Variants in SGCD observed in about 807,000 individuals in gnomAD.
The protein encoded by SGCD is sarcoglycan delta.
In SGCD, 18 loss-of-function variants were observed where a neutral mutation model predicts 36.6. The ratio of observed to expected loss-of-function variants is 0.49; its 90% CI spans 0.34 to 0.73. The LOEUF is 0.73. Ranked by LOEUF, SGCD falls within the 30% of genes least tolerant of loss-of-function variation. The pLI, the probability that SGCD is intolerant of heterozygous loss-of-function variation, is 0.01. For missense variants in SGCD, 387 were observed against 346.7 expected (o/e 1.12, Z -0.92); for synonymous variants, 133 against 130.6 (o/e 1.02, Z -0.12).
At chr5:156,006,650 C>A (rs1758765330) in intron 1 of SGCD, among the ~76,000 whole-genome samples, 1 of 152,134 alleles carries the variant, frequency 6.6e-6, no homozygotes, top group Admixed American at 6.5e-5. Flanking sequence ...AAAACGCATT[C>A]CCAGATTTAT....
chr5:155,951,127 A>G (rs1207501539), intron 1 of SGCD, among the ~76,000 whole-genome samples: 1 of 152,178 alleles, frequency 6.6e-6, no homozygotes, highest in Non-Finnish European at 1.5e-5. Flanking sequence ...ACATTTTAGC[A>G]TGATGAATTT....
intron 1 of SGCD, among the ~76,000 whole-genome samples, chr5:155,900,653 CTA>C (rs1402626753): frequency 6.7e-6 from 1 of 150,344 alleles, no homozygotes; most frequent in African/African-American, 2.4e-5. Context: ...CAATTCCCAC[CTA>C]TGAGTGAGAA....
At chr5:156,500,941 C>T (rs1756418935) in intron 3 of SGCD, among the ~76,000 whole-genome samples, 1 of 152,212 alleles carries the variant, frequency 6.6e-6, no homozygotes, top group Non-Finnish European at 1.5e-5. Context: ...TCTTACCCTG[C>T]ACCAGTGGGA....
At chr5:156,567,209 T>G (rs1400336068) in intron 4 of SGCD, among the ~76,000 whole-genome samples, 4 of 152,254 alleles carry the variant, frequency 2.6e-5, no homozygotes, top group African/African-American at 9.6e-5. Flanking sequence ...ACTCACCTAC[T>G]TTCTGCTTTT....
intron 1 of SGCD, among the ~76,000 whole-genome samples, chr5:156,072,091 C>T (rs1275756343): frequency 6.6e-6 from 1 of 152,076 alleles, no homozygotes; most frequent in Non-Finnish European, 1.5e-5. Flanking sequence ...TCCAATTTGC[C>T]AGTCTGTGTC....
At chr5:156,018,236 G>A (rs1239503190) in intron 1 of SGCD, among the ~76,000 whole-genome samples, 1 of 152,162 alleles carries the variant, frequency 6.6e-6, no homozygotes, top group African/African-American at 2.4e-5. Flanking sequence ...ATTTGTGATA[G>A]TGGAAAATTC....
intron 4 of SGCD, among the ~76,000 whole-genome samples, chr5:156,509,392 T>C (rs1756839736): frequency 1.3e-5 from 2 of 152,128 alleles, no homozygotes; most frequent in Admixed American, 1.3e-4. Context: ...GCCACTGGAC[T>C]CCAGCCTGGG....
the SGCD span, among the ~76,000 whole-genome samples, chr5:155,751,219 G>A: frequency 2.0e-5 from 3 of 152,154 alleles, no homozygotes; most frequent in African/African-American, 7.2e-5. Flanking sequence ...AGGGGCATGA[G>A]TGGCAAAAGT....
chr5:156,575,467 C>T (rs1759900276), intron 4 of SGCD, among the ~76,000 whole-genome samples: 1 of 152,182 alleles, frequency 6.6e-6, no homozygotes, highest in Admixed American at 6.6e-5. Flanking sequence ...GAGTGCTAGT[C>T]CTATCTTTGC....
chr5:156,469,763 C>T (rs752766824), intron 3 of SGCD, among the ~76,000 whole-genome samples: 18 of 152,270 alleles, frequency 1.2e-4, no homozygotes, highest in African/African-American at 3.6e-4. Context: ...GATGACAGCT[C>T]GCCATCGATT....
chr5:156,540,358 A>G (rs935902528), intron 4 of SGCD, among the ~76,000 whole-genome samples: 4 of 152,128 alleles, frequency 2.6e-5, no homozygotes, highest in East Asian at 1.9e-4. Flanking sequence ...TTAGAGGGGA[A>G]GTAAAATTAC....
intron 4 of SGCD, among the ~76,000 whole-genome samples, chr5:156,555,207 A>G (rs1472760062): frequency 6.6e-6 from 1 of 152,044 alleles, no homozygotes; most frequent in Non-Finnish European, 1.5e-5. Context: ...TTTGCCCTGA[A>G]GTGTTTTTAT....
chr5:156,078,521 AT>A (rs1468329348), intron 1 of SGCD, among the ~76,000 whole-genome samples: 7,969 of 123,160 alleles, frequency 0.065, 678 homozygotes, highest in African/African-American at 0.22. Context: ...AAAAAAAAAA[AT>A]ATATATATAT....
intron 3 of SGCD, among the ~76,000 whole-genome samples, chr5:156,193,232 G>C (rs552846649): frequency 7.2e-5 from 11 of 152,190 alleles, no homozygotes; most frequent in African/African-American, 2.2e-4. Context: ...CTTTATCTAA[G>C]ACTTTCTCAA....
rs58947494 is a variant in SGCD, at chr5:156,691,206, C to CAA, written c.575+43689_575+43690dup. Among the ~76,000 whole-genome samples the CAA allele has an allele frequency of 6.0e-4, 37 of 61,848 alleles. 1 individual carries two copies. Among genetic ancestry groups the CAA allele is most frequent in the East Asian group, 4.2e-3 (7 of 1,662 alleles). 40.6% of individuals were successfully genotyped at this position (61,848 alleles called of 152,430 possible). ...TGGGCAACAGAGCGAGACTCTGTCT[C>CAA]AAAAAAAAAAAAAAAAAAAAGAGAG... On this transcript the variant is annotated intron_variant, in intron 7 of 8. Transcript: ENST00000337851.
At chr5:156,215,865 T>C (rs116672834) in intron 3 of SGCD, among the ~76,000 whole-genome samples, 6 of 152,334 alleles carry the variant, frequency 3.9e-5, no homozygotes, top group African/African-American at 1.4e-4. Context: ...AATCAGTATG[T>C]CAAAGATATA....
intron 1 of SGCD, among the ~76,000 whole-genome samples, chr5:156,075,017 A>G (rs1760728937): frequency 6.6e-6 from 1 of 152,234 alleles, no homozygotes; most frequent in Admixed American, 6.5e-5. Context: ...GGGTCACTGC[A>G]TATGCAGTTG....
chr5:155,986,281 T>C (rs1196067416), intron 1 of SGCD, among the ~76,000 whole-genome samples: 4 of 152,198 alleles, frequency 2.6e-5, no homozygotes, highest in Non-Finnish European at 5.9e-5. Flanking sequence ...TGAAGGTTCT[T>C]ATGCTCCTGA....
chr5:156,065,505 C>T (rs1201402690), intron 1 of SGCD, among the ~76,000 whole-genome samples: 1 of 77,276 alleles, frequency 1.3e-5, no homozygotes, highest in Non-Finnish European at 2.4e-5. Flanking sequence ...GACTTTCTGT[C>T]TCGTTGATCT....
Sources: gnomAD v4.1 joint callset for allele counts (sites outside exome capture counted in the v4.1 genomes callset) on GRCh38, gnomAD v4.1.1 for gene constraint, MANE v1.5 for transcripts, NCBI Gene and HGNC (gene_info 2026-07-23, HGNC 2026-07-21) for gene names.